SEMA6D: variants seen among roughly 807,000 people sequenced by gnomAD.
The protein encoded by SEMA6D is semaphorin-6D.
SEMA6D carries 35 observed loss-of-function variants against 106.6 expected under a neutral mutation model. The observed-to-expected ratio is 0.33, with a 90% CI of 0.25 to 0.44. SEMA6D has a LOEUF of 0.44. Among genes scored for constraint, SEMA6D ranks in the 20% least tolerant of loss-of-function variants. The probability of loss-of-function intolerance (pLI) is 1.00; values close to 1 mark genes in which losing one functional copy is unlikely to be tolerated. For synonymous variants in SEMA6D, 499 were observed against 487.7 expected, an observed-to-expected ratio of 1.02 and a Z score of -0.31; for missense variants, 1,185 against 1,345.9, an observed-to-expected ratio of 0.88 and a Z score of 1.87.
chr15:47,539,668 C>A (rs2045294994), intron 3 of SEMA6D, among the ~76,000 whole-genome samples: 1 of 152,068 alleles, frequency 6.6e-6, no homozygotes, highest in Non-Finnish European at 1.5e-5. Context: ...CGTGATCCAC[C>A]CACCTTCGCC....
At chr15:47,241,926 T>G (rs111722716) in intron 1 of SEMA6D, among the ~76,000 whole-genome samples, 2,638 of 152,188 alleles carry the variant, frequency 0.017, 42 homozygotes, top group Non-Finnish European at 0.03. Flanking sequence ...CCTTTGAGTT[T>G]CCTGGCAGAG....
intron 1 of SEMA6D, among the ~76,000 whole-genome samples, chr15:47,249,879 A>G (rs1240828521): frequency 6.6e-6 from 1 of 152,182 alleles, no homozygotes; most frequent in African/African-American, 2.4e-5. Context: ...ATTTCCAGAC[A>G]GTCTAACATC....
At chr15:47,251,700 A>G (rs949636662) in intron 1 of SEMA6D, among the ~76,000 whole-genome samples, 20 of 152,148 alleles carry the variant, frequency 1.3e-4, no homozygotes, top group African/African-American at 4.8e-4. Context: ...TATAAAATAT[A>G]TCTCAGCAAT....
intron 4 of SEMA6D, among the ~76,000 whole-genome samples, chr15:47,621,335 G>A (rs751007731): frequency 1.3e-4 from 20 of 152,184 alleles, no homozygotes; most frequent in Non-Finnish European, 2.6e-4. Flanking sequence ...AAATAGAAAC[G>A]TAGGAGTTAT....
chr15:47,442,824 G>C (rs923863997), intron 2 of SEMA6D, among the ~76,000 whole-genome samples: 1 of 152,018 alleles, frequency 6.6e-6, no homozygotes, highest in South Asian at 2.1e-4. Flanking sequence ...ATAGAAAAAG[G>C]CTTTGTTGTA....
intron 2 of SEMA6D, among the ~76,000 whole-genome samples, chr15:47,429,015 G>A (rs1254929424): frequency 1.3e-5 from 2 of 151,606 alleles, no homozygotes; most frequent in South Asian, 2.1e-4. Flanking sequence ...AGGAAGGAAT[G>A]AAGGAAGGAA....
chr15:47,343,821 A>G (rs1334674340), intron 1 of SEMA6D, among the ~76,000 whole-genome samples: 1 of 152,032 alleles, frequency 6.6e-6, no homozygotes, highest in Admixed American at 6.6e-5. Flanking sequence ...ATGGGAGAAA[A>G]TTTTTGCAAC....
intron 1 of SEMA6D, among the ~76,000 whole-genome samples, chr15:47,190,649 A>G (rs1294449469): frequency 1.3e-5 from 2 of 152,232 alleles, no homozygotes; most frequent in African/African-American, 4.8e-5. Context: ...TATGTGTTTT[A>G]TACATGACCT....
At chr15:47,437,445 C>T (rs756161866) in intron 2 of SEMA6D, among the ~76,000 whole-genome samples, 3 of 152,098 alleles carry the variant, frequency 2.0e-5, no homozygotes, top group Non-Finnish European at 2.9e-5. Flanking sequence ...TTTTTGAATA[C>T]TCAGTTCCTG....
At chr15:47,219,078 T>C (rs1038231716) in intron 1 of SEMA6D, among the ~76,000 whole-genome samples, 1 of 152,260 alleles carries the variant, frequency 6.6e-6, no homozygotes. Flanking sequence ...TCCTCCTATA[T>C]AGCTTTAAAC....
At chr15:47,498,051 G>A (rs1329056687) in intron 3 of SEMA6D, among the ~76,000 whole-genome samples, 3 of 152,182 alleles carry the variant, frequency 2.0e-5, no homozygotes, top group East Asian at 3.9e-4. Flanking sequence ...CCAATACCAC[G>A]AAAACACATT....
At chr15:47,416,573 G>A (rs541749303) in intron 2 of SEMA6D, among the ~76,000 whole-genome samples, 1 of 152,044 alleles carries the variant, frequency 6.6e-6, no homozygotes, top group Non-Finnish European at 1.5e-5. Flanking sequence ...ACAATCTGGC[G>A]GGTCTGGCTA....
chr15:47,237,448 T>C, intron 1 of SEMA6D, among the ~76,000 whole-genome samples: 1 of 52,438 alleles, frequency 1.9e-5, no homozygotes, highest in Non-Finnish European at 7.6e-5. Context: ...TCACTTATTG[T>C]TCTCTCAAAT....
At chr15:47,357,452 C>T (rs2038631028) in intron 1 of SEMA6D, among the ~76,000 whole-genome samples, 1 of 152,034 alleles carries the variant, frequency 6.6e-6, no homozygotes, top group Admixed American at 6.6e-5. Flanking sequence ...CTGGAGGAGC[C>T]TAAAATATGC....
intron 4 of SEMA6D, among the ~76,000 whole-genome samples, chr15:47,627,623 A>G (rs1465576616): frequency 6.6e-6 from 1 of 152,164 alleles, no homozygotes; most frequent in Non-Finnish European, 1.5e-5. Context: ...GATTATTTTT[A>G]ATTAAACTTT....
intron 1 of SEMA6D, among the ~76,000 whole-genome samples, chr15:47,376,377 C>G (rs2039449106): frequency 6.6e-6 from 1 of 152,192 alleles, no homozygotes; most frequent in African/African-American, 2.4e-5. Flanking sequence ...CTCAGCACCC[C>G]CTGCACAAAC....
At chr15:47,519,315 G>C (rs1258243624) in intron 3 of SEMA6D, among the ~76,000 whole-genome samples, 1 of 152,096 alleles carries the variant, frequency 6.6e-6, no homozygotes. Flanking sequence ...GTTGCAATAC[G>C]ACATTTTGAT....
intron 4 of SEMA6D, among the ~76,000 whole-genome samples, chr15:47,708,703 G>A (rs1311701459): frequency 6.6e-6 from 1 of 152,164 alleles, no homozygotes; most frequent in East Asian, 1.9e-4. Context: ...AGGGAGCTCT[G>A]TCTAGTAAGT....
chr15:47,730,697 T>G, intron 1 of SEMA6D: 1 of 1,607,914 alleles, frequency 6.2e-7, no homozygotes, highest in South Asian at 1.1e-5. Flanking sequence ...GTGAACTGGT[T>G]AATCGCAGGA....
Sources: gnomAD v4.1 joint callset for allele counts (sites outside exome capture counted in the v4.1 genomes callset) on GRCh38, gnomAD v4.1.1 for gene constraint, MANE v1.5 for transcripts, NCBI Gene and HGNC (gene_info 2026-07-23, HGNC 2026-07-21) for gene names.